SUCLG2: variants seen among roughly 807,000 people sequenced by gnomAD.
SUCLG2 encodes succinate--CoA ligase [GDP-forming] subunit beta, mitochondrial.
A neutral mutation model predicts 47.9 loss-of-function variants in SUCLG2; 42 were observed. The ratio of observed to expected loss-of-function variants is 0.88; its 90% CI spans 0.69 to 1.14. The LOEUF (loss-of-function observed/expected upper bound fraction) is 1.14, where lower values mean the gene tolerates loss of function less well. Ranked by LOEUF, SUCLG2 falls within the 50% of genes most tolerant of loss-of-function variation. SUCLG2 has a pLI of 0.00. For synonymous variants in SUCLG2, 195 were observed against 197.3 expected (o/e 0.99, Z 0.10); for missense variants, 571 against 525.9 (o/e 1.09, Z -0.84).
At position 67,498,312 on chromosome 3, in the gene SUCLG2, A is replaced by C. The variant is rs1705405253; in HGVS notation, c.758-17T>G. The C allele has an allele frequency of 6.2e-7, 1 of 1,611,954 alleles. No homozygotes were observed. The highest frequency in any genetic ancestry group is 8.5e-7 in the Non-Finnish European group (1 of 1,178,812). On this transcript the variant is annotated splice_polypyrimidine_tract_variant and intron_variant, in intron 7 of 10. Transcript: ENST00000307227. ...AACAGACAACTAAATAAAGAAGAAAACAATCATACTTGAATATCTCTTGAG... is the reference window on the plus strand; with the variant it reads ...AACAGACAACTAAATAAAGAAGAAACCAATCATACTTGAATATCTCTTGAG...
At chr3:67,393,737 C>A (rs1431993559) in intron 10 of SUCLG2, among the ~76,000 whole-genome samples, 2 of 152,186 alleles carry the variant, frequency 1.3e-5, no homozygotes, top group Non-Finnish European at 2.9e-5. Flanking sequence ...GGTCCCTGAC[C>A]CCTGACCCCT....
intron 1 of SUCLG2, among the ~76,000 whole-genome samples, chr3:67,610,912 T>C (rs940757940): frequency 6.6e-6 from 1 of 152,170 alleles, no homozygotes; most frequent in Non-Finnish European, 1.5e-5. Flanking sequence ...CCCCCACTAC[T>C]AGACTGTGTT....
At chr3:67,415,216 G>C (rs1703011814) in intron 9 of SUCLG2, among the ~76,000 whole-genome samples, 1 of 152,104 alleles carries the variant, frequency 6.6e-6, no homozygotes, top group African/African-American at 2.4e-5. Context: ...TTACATGTGT[G>C]AATGTTGGAA....
chr3:67,600,237 C>G (rs1362618044), intron 2 of SUCLG2, among the ~76,000 whole-genome samples: 1 of 152,118 alleles, frequency 6.6e-6, no homozygotes, highest in Non-Finnish European at 1.5e-5. Context: ...GGTGTTATTG[C>G]AAAAGTATTG....
intron 8 of SUCLG2, 84 bp from the exon 9 acceptor site, chr3:67,496,024 C>A: frequency 6.5e-7 from 1 of 1,540,732 alleles, no homozygotes; most frequent in Non-Finnish European, 8.8e-7. Flanking sequence ...CCCATATTGC[C>A]AAGAGAGAAC....
intron 8 of SUCLG2, among the ~76,000 whole-genome samples, chr3:67,496,348 T>G (rs571623960): frequency 3.3e-5 from 5 of 152,356 alleles, no homozygotes; most frequent in Admixed American, 2.0e-4. Context: ...AATTACATTC[T>G]TTTTAATATA....
chr3:67,422,903 C>T (rs1703203055), intron 9 of SUCLG2, among the ~76,000 whole-genome samples: 1 of 152,112 alleles, frequency 6.6e-6, no homozygotes, highest in Non-Finnish European at 1.5e-5. Context: ...ACACCCATCA[C>T]ATTAGGTGGA....
chr3:67,608,570 A>G (rs1700467026), intron 2 of SUCLG2, among the ~76,000 whole-genome samples: 1 of 152,186 alleles, frequency 6.6e-6, no homozygotes, highest in African/African-American at 2.4e-5. Flanking sequence ...TTCATTTCAA[A>G]AAGAGCTGGG....
intron 2 of SUCLG2, among the ~76,000 whole-genome samples, chr3:67,542,820 A>T (rs746965551): frequency 2.7e-4 from 41 of 152,190 alleles, no homozygotes; most frequent in Non-Finnish European, 5.1e-4. Flanking sequence ...CAGATGCATA[A>T]AGCAAATGCT....
In SUCLG2 at chr3:67,362,988, T is replaced by A. The variant is rs572748547; in HGVS notation, c.1184-2220A>T. 2.6e-5 allele frequency among the ~76,000 whole-genome samples: 4 copies of A among 152,312 alleles called. No homozygotes were observed. In the East Asian group the frequency reaches 7.7e-4, roughly 29 times the overall value. On this transcript the variant is annotated intron_variant, in intron 10 of 10. Transcript: ENST00000493112. ...TTCTAAAACCACATCTTTGCCAGGTTCCTTTCCCTGCACTAATCTATGCCC... is the reference window on the plus strand; with the variant it reads ...TTCTAAAACCACATCTTTGCCAGGTACCTTTCCCTGCACTAATCTATGCCC...
chr3:67,398,878 G>C (rs539092372), intron 10 of SUCLG2, among the ~76,000 whole-genome samples: 1 of 152,102 alleles, frequency 6.6e-6, no homozygotes, highest in African/African-American at 2.4e-5. Flanking sequence ...GTAGGGACAT[G>C]GATGAAACTG....
chr3:67,475,157 C>A (rs2106997919), intron 9 of SUCLG2, among the ~76,000 whole-genome samples: 1 of 152,224 alleles, frequency 6.6e-6, no homozygotes, highest in East Asian at 1.9e-4. Context: ...TCAGAGTTCC[C>A]AAATCATGAG....
At chr3:67,474,636 T>C (rs771295311) in intron 9 of SUCLG2, among the ~76,000 whole-genome samples, 7 of 152,202 alleles carry the variant, frequency 4.6e-5, no homozygotes, top group Non-Finnish European at 8.8e-5. Context: ...TTTAAAATAG[T>C]TTTTTAAGAA....
chr3:67,391,243 C>T (rs1702374392), intron 10 of SUCLG2, among the ~76,000 whole-genome samples: 1 of 152,190 alleles, frequency 6.6e-6, no homozygotes, highest in South Asian at 2.1e-4. Flanking sequence ...CTTTCGCTTT[C>T]TTGACTAGGC....
chr3:67,492,083 A>G (rs532368491), intron 9 of SUCLG2, among the ~76,000 whole-genome samples: 33 of 152,318 alleles, frequency 2.2e-4, no homozygotes, highest in African/African-American at 7.7e-4. Flanking sequence ...TAGATATTTC[A>G]AGGGCTTAGA....
rs1438587284 is a variant in SUCLG2, at chr3:67,446,263, T to C, written c.1063-45412A>G. On this transcript the variant is annotated intron_variant, in intron 9 of 10. Coordinates refer to ENST00000307227, the MANE Select transcript of SUCLG2 (RefSeq NM_003848.4). ...GTGAATGCCTAAGTAAAAAGGATAA[T>C]TTAGGCAATCACTTCAAGGTTCATC... 5.6e-5 allele frequency among the ~76,000 whole-genome samples: 2 copies of C among 35,934 alleles called. 1 individual carries two copies. Among genetic ancestry groups the C allele is most frequent in the African/African-American group, 1.9e-4 (2 of 10,578 alleles). 23.6% of individuals were successfully genotyped at this position (35,934 alleles called of 152,430 possible).
chr3:67,390,610 T>C (rs1427730315), intron 10 of SUCLG2, among the ~76,000 whole-genome samples: 1 of 152,102 alleles, frequency 6.6e-6, no homozygotes, highest in African/African-American at 2.4e-5. Context: ...TTGTAACCAA[T>C]TGTTTCTGGT....
At chr3:67,590,886 G>A (rs1030378448) in intron 2 of SUCLG2, among the ~76,000 whole-genome samples, 3 of 148,496 alleles carry the variant, frequency 2.0e-5, no homozygotes, top group African/African-American at 4.9e-5. Context: ...ATGTCCAACT[G>A]TCTAAGACTT....
chr3:67,482,618 C>G (rs1205226970), intron 9 of SUCLG2, among the ~76,000 whole-genome samples: 7 of 152,186 alleles, frequency 4.6e-5, no homozygotes, highest in African/African-American at 1.4e-4. Context: ...TGAAATGCAA[C>G]TACTGATCAC....
Sources: allele counts gnomAD v4.1 joint callset (sites outside exome capture counted in the v4.1 genomes callset), GRCh38; gene constraint gnomAD v4.1.1; transcripts MANE v1.5; gene names NCBI Gene and HGNC (gene_info 2026-07-23, HGNC 2026-07-21).